The following CNTN3 variants were observed in gnomAD, a reference collection of about 807,000 sequenced individuals.
CNTN3 encodes the protein contactin 3, also known as contactin-3.
CNTN3 carries 60 observed loss-of-function variants against 119.1 expected under a neutral mutation model. The observed-to-expected ratio is 0.50, with a 90% CI of 0.41 to 0.62. The LOEUF (loss-of-function observed/expected upper bound fraction) is 0.62. CNTN3 is among the 20% of genes least tolerant of loss of function. The pLI is 0.00. For synonymous variants in CNTN3, 450 were observed against 438.7 expected (o/e 1.03, Z -0.32); for missense variants, 1,101 against 1,242.4 (o/e 0.89, Z 1.71).
chr3:74,265,884 C>T (rs940203588), intron 22 of CNTN3, among the ~76,000 whole-genome samples: 11 of 152,120 alleles, frequency 7.2e-5, no homozygotes, highest in African/African-American at 2.7e-4. Context: ...AAAATTTATT[C>T]TAGCATTGGC....
chr3:74,567,769 A>T (rs766875523), intron 1 of CNTN3, among the ~76,000 whole-genome samples: 1 of 152,120 alleles, frequency 6.6e-6, no homozygotes, highest in African/African-American at 2.4e-5. Flanking sequence ...AAACAAAAAC[A>T]ATTTGAGGGG....
chr3:74,434,938 T>C (rs1343468633), intron 4 of CNTN3, among the ~76,000 whole-genome samples: 1 of 152,182 alleles, frequency 6.6e-6, no homozygotes, highest in Non-Finnish European at 1.5e-5. Flanking sequence ...AATTGCCATC[T>C]CATATTTGAC....
At chr3:74,487,531 C>A (rs935959973) in intron 3 of CNTN3, among the ~76,000 whole-genome samples, 2 of 152,008 alleles carry the variant, frequency 1.3e-5, no homozygotes, top group African/African-American at 4.8e-5. Context: ...AAAATGAAAA[C>A]TATAATGCCC....
chr3:74,555,358 A>G (rs1704053514), intron 1 of CNTN3, among the ~76,000 whole-genome samples: 1 of 152,158 alleles, frequency 6.6e-6, no homozygotes, highest in Non-Finnish European at 1.5e-5. Context: ...CATCAGGGAT[A>G]TTGGCCTAAA....
At chr3:74,460,319 C>A (rs1245139659) in intron 4 of CNTN3, among the ~76,000 whole-genome samples, 1 of 151,864 alleles carries the variant, frequency 6.6e-6, no homozygotes, top group Admixed American at 6.6e-5. Flanking sequence ...AACACAAAGA[C>A]CTCCCTGGGA....
chr3:74,537,325 C>T (rs1014770056), intron 1 of CNTN3, among the ~76,000 whole-genome samples: 2 of 152,088 alleles, frequency 1.3e-5, no homozygotes, highest in Non-Finnish European at 2.9e-5. Context: ...AAGTAGTCGC[C>T]ACGCTTGGCT....
intron 11 of CNTN3, among the ~76,000 whole-genome samples, chr3:74,349,985 A>G (rs1228147231): frequency 6.6e-6 from 1 of 152,238 alleles, no homozygotes; most frequent in East Asian, 1.9e-4. Context: ...GAAAATCACA[A>G]CACTGACGAA....
chr3:74,489,460 CT>C (rs1702922155), intron 3 of CNTN3, among the ~76,000 whole-genome samples: 1 of 150,668 alleles, frequency 6.6e-6, no homozygotes, highest in Non-Finnish European at 1.5e-5. Context: ...TCCTCCCTTC[CT>C]CCCTTCCTCT....
intron 4 of CNTN3, 117 bp from the exon 5 acceptor site, chr3:74,425,057 A>G: frequency 1.5e-6 from 1 of 677,160 alleles, no homozygotes. Context: ...TTTCTTTAAA[A>G]ATTTTTATTT....
At chr3:74,320,746 A>G (rs1702967446) in intron 13 of CNTN3, among the ~76,000 whole-genome samples, 1 of 152,200 alleles carries the variant, frequency 6.6e-6, no homozygotes, top group Non-Finnish European at 1.5e-5. Context: ...GTTAGAACTC[A>G]TGGTTAGAAC....
At chr3:74,573,288 C>G in intron 1 of CNTN3, among the ~76,000 whole-genome samples, 1 of 143,432 alleles carries the variant, frequency 7.0e-6, no homozygotes, top group Non-Finnish European at 1.5e-5. Flanking sequence ...AGAGTGCTTT[C>G]TTTTTTTTTT....
chr3:74,507,977 GACT>G (rs1389588093), intron 2 of CNTN3, among the ~76,000 whole-genome samples: 1 of 152,068 alleles, frequency 6.6e-6, no homozygotes, highest in African/African-American at 2.4e-5. Context: ...TATACTTCCA[GACT>G]ACTGAGAGGG....
At chr3:74,518,113 G>A (rs1476836155) in intron 2 of CNTN3, among the ~76,000 whole-genome samples, 1 of 151,904 alleles carries the variant, frequency 6.6e-6, no homozygotes, top group South Asian at 2.1e-4. Context: ...TTAAATGTTT[G>A]TTGAACTCTA....
chr3:74,579,076 T>C (rs1280026184), intron 1 of CNTN3, among the ~76,000 whole-genome samples: 1 of 151,812 alleles, frequency 6.6e-6, no homozygotes, highest in Admixed American at 6.6e-5. Flanking sequence ...AATTTCCATG[T>C]AAACAATCAG....
In CNTN3 at chr3:74,336,552, T is replaced by C. The variant is rs758139266; in HGVS notation, c.1471A>G (p.Thr491Ala). 6.2e-7 allele frequency: 1 copy of C among 1,612,936 alleles called. No homozygotes were observed. The highest frequency in any genetic ancestry group is 8.5e-7 in the Non-Finnish European group (1 of 1,179,130). The change falls in exon 12 of 23, where the codon ACA (threonine) becomes GCA (alanine). Residue 491 changes from threonine (T) to alanine (A), a missense_variant. Thr to Ala is a moderately conservative substitution (Grantham distance 58). Coordinates refer to ENST00000263665, the MANE Select transcript of CNTN3 (RefSeq NM_020872.3). ...AENQFGKANG[T>A]THLVVTEPTR... ...CTACCCGTAACAACCAAATGTGTTG[T>C]GCCATTTGCTTTCCCAAACTGGTTT...
At chr3:74,556,503 C>T (rs1370381943) in intron 1 of CNTN3, among the ~76,000 whole-genome samples, 3 of 152,154 alleles carry the variant, frequency 2.0e-5, no homozygotes, top group Admixed American at 6.6e-5. Flanking sequence ...TAATATTCCA[C>T]TGTATGGATA....
At chr3:74,325,957 T>A (rs1703117386) in intron 13 of CNTN3, among the ~76,000 whole-genome samples, 1 of 152,292 alleles carries the variant, frequency 6.6e-6, no homozygotes, top group Non-Finnish European at 1.5e-5. Flanking sequence ...CTATTAACTA[T>A]TCTTATCCCT....
intron 5 of CNTN3, among the ~76,000 whole-genome samples, chr3:74,405,064 C>T (rs184801725): frequency 2.0e-5 from 3 of 152,076 alleles, no homozygotes; most frequent in Admixed American, 2.0e-4. Context: ...ATCATTATGT[C>T]TCTTAGATTT....
At chr3:74,383,301 A>G (rs1175220550) in intron 5 of CNTN3, among the ~76,000 whole-genome samples, 4 of 152,088 alleles carry the variant, frequency 2.6e-5, no homozygotes, top group Non-Finnish European at 5.9e-5. Flanking sequence ...ATATTTTTCA[A>G]CACTCCACCT....
Sources: allele counts gnomAD v4.1 joint callset (sites outside exome capture counted in the v4.1 genomes callset), GRCh38; gene constraint gnomAD v4.1.1; transcripts MANE v1.5; gene names NCBI Gene and HGNC (gene_info 2026-07-23, HGNC 2026-07-21).